The following PRKCA variants were observed in gnomAD, a reference collection of about 807,000 sequenced individuals.
The protein encoded by PRKCA is protein kinase C alpha, also known as protein kinase C alpha type.
Under a neutral mutation model 87.0 loss-of-function variants are expected in PRKCA, and 27 were observed. The observed-to-expected ratio is 0.31, with a 90% CI of 0.23 to 0.43. The LOEUF (loss-of-function observed/expected upper bound fraction) is 0.43. Ranked by LOEUF, PRKCA falls within the 20% of genes least tolerant of loss-of-function variation. The pLI, the probability that PRKCA is intolerant of heterozygous loss-of-function variation, is 1.00. For missense variants in PRKCA, 518 were observed against 852.3 expected, an observed-to-expected ratio of 0.61 and a Z score of 4.88; for synonymous variants, 329 against 311.1, an observed-to-expected ratio of 1.06 and a Z score of -0.61.
At chr17:66,583,652 C>T (rs1439351868) in intron 3 of PRKCA, among the ~76,000 whole-genome samples, 3 of 149,982 alleles carry the variant, frequency 2.0e-5, no homozygotes, top group Non-Finnish European at 3.0e-5. Context: ...ATTAATTATT[C>T]GAATGGAGAA....
chr17:66,555,911 A>G (rs1185526637), intron 3 of PRKCA, among the ~76,000 whole-genome samples: 6 of 152,128 alleles, frequency 3.9e-5, no homozygotes, highest in Non-Finnish European at 7.3e-5. Context: ...AATGCGTGCT[A>G]CTAATTATTT....
chr17:66,529,550 G>A (rs1005815079), intron 3 of PRKCA, among the ~76,000 whole-genome samples: 1 of 152,154 alleles, frequency 6.6e-6, no homozygotes, highest in African/African-American at 2.4e-5. Context: ...TCTTCCTGGG[G>A]TCACCTGGGA....
At chr17:66,556,186 C>T (rs977162068) in intron 3 of PRKCA, among the ~76,000 whole-genome samples, 4 of 152,060 alleles carry the variant, frequency 2.6e-5, no homozygotes, top group Non-Finnish European at 4.4e-5. Flanking sequence ...GGGCCTTTCA[C>T]TGAAAGGCAC....
At chr17:66,428,240 C>A (rs562312719) in intron 2 of PRKCA, among the ~76,000 whole-genome samples, 1 of 152,110 alleles carries the variant, frequency 6.6e-6, no homozygotes, top group Non-Finnish European at 1.5e-5. Context: ...GATTTGATGG[C>A]AGGGATGTGT....
intron 3 of PRKCA, among the ~76,000 whole-genome samples, chr17:66,502,060 C>T (rs1408861090): frequency 6.6e-6 from 1 of 152,092 alleles, no homozygotes; most frequent in Non-Finnish European, 1.5e-5. Context: ...TTGATCAGTG[C>T]GGAGCTCCCT....
intron 5 of PRKCA, among the ~76,000 whole-genome samples, chr17:66,685,047 A>G (rs1302831601): frequency 1.3e-5 from 2 of 152,170 alleles, no homozygotes; most frequent in Admixed American, 1.3e-4. Context: ...AGCTTGGTGA[A>G]TTCTCCAGTG....
intron 2 of PRKCA, among the ~76,000 whole-genome samples, chr17:66,324,528 G>T (rs1468754348): frequency 6.6e-6 from 1 of 151,686 alleles, no homozygotes; most frequent in Non-Finnish European, 1.5e-5. Flanking sequence ...CAAGAGAATT[G>T]CTTGAACCTG....
intron 8 of PRKCA, among the ~76,000 whole-genome samples, chr17:66,694,192 A>G (rs1972857773): frequency 6.6e-6 from 1 of 152,130 alleles, no homozygotes; most frequent in Non-Finnish European, 1.5e-5. Context: ...GCACATATAA[A>G]AGATGATTTG....
chr17:66,346,952 A>G (rs1907414403), intron 2 of PRKCA, among the ~76,000 whole-genome samples: 1 of 151,984 alleles, frequency 6.6e-6, no homozygotes, highest in Admixed American at 6.6e-5. Flanking sequence ...AATCACTTGA[A>G]CGCGGGAGGC....
At chr17:66,549,622 A>C (rs1457302664) in intron 3 of PRKCA, among the ~76,000 whole-genome samples, 3 of 152,192 alleles carry the variant, frequency 2.0e-5, no homozygotes, top group Admixed American at 6.5e-5. Context: ...CAGTTGTGTG[A>C]ATTCCATTTG....
chr17:66,428,216 A>T (rs1437586000), intron 2 of PRKCA, among the ~76,000 whole-genome samples: 1 of 152,228 alleles, frequency 6.6e-6, no homozygotes, highest in Non-Finnish European at 1.5e-5. Context: ...AGGGATAAAG[A>T]AACCTGATAG....
At chr17:66,573,787 T>C (rs1969148152) in intron 3 of PRKCA, among the ~76,000 whole-genome samples, 3 of 152,290 alleles carry the variant, frequency 2.0e-5, no homozygotes, top group Admixed American at 2.0e-4. Context: ...ATAAAAATAT[T>C]CCATGTTTCA....
At chr17:66,752,094 T>C (rs1362620179) in intron 13 of PRKCA, among the ~76,000 whole-genome samples, 1 of 152,212 alleles carries the variant, frequency 6.6e-6, no homozygotes, top group East Asian at 1.9e-4. Flanking sequence ...ACAGTACTGC[T>C]ATTTTAAGAA....
intron 16 of PRKCA, among the ~76,000 whole-genome samples, chr17:66,800,664 A>T (rs1975880241): frequency 6.6e-6 from 1 of 152,224 alleles, no homozygotes; most frequent in Non-Finnish European, 1.5e-5. Flanking sequence ...TGATTCATGA[A>T]TGCCATAAAG....
At chr17:66,330,708 G>T (rs1906276456) in intron 2 of PRKCA, among the ~76,000 whole-genome samples, 1 of 152,144 alleles carries the variant, frequency 6.6e-6, no homozygotes, top group African/African-American at 2.4e-5. Flanking sequence ...GTATTTGGAA[G>T]ATTGTGTACA....
intron 2 of PRKCA, among the ~76,000 whole-genome samples, chr17:66,425,716 C>T (rs751212281): frequency 6.6e-6 from 1 of 152,028 alleles, no homozygotes; most frequent in Non-Finnish European, 1.5e-5. Context: ...GGAAACCCAG[C>T]GATTCAGTTA....
chr17:66,342,416 C>T lies in PRKCA; in HGVS notation c.205+36289C>T, dbSNP rs568317659. Reference sequence around the variant, plus strand: ...CAGCCTGAGCAGCAGAGTGAGACTCCATCTCAAAAAAAATAAAATAAAATA... The same window carrying T: ...CAGCCTGAGCAGCAGAGTGAGACTCTATCTCAAAAAAAATAAAATAAAATA... On this transcript the variant is annotated intron_variant, in intron 2 of 16. Coordinates refer to ENST00000413366, the MANE Select transcript of PRKCA (RefSeq NM_002737.3). Among the ~76,000 whole-genome samples the T allele has an allele frequency of 4.1e-5, 6 of 145,660 alleles. No homozygotes were observed. In the East Asian group the frequency reaches 7.9e-4, roughly 19 times the overall value.
At position 66,425,418 on chromosome 17, in the gene PRKCA, T is replaced by G. The variant is rs143975484; in HGVS notation, c.206-70783T>G. On this transcript the variant is annotated intron_variant, in intron 2 of 16. Coordinates refer to ENST00000413366, the MANE Select transcript of PRKCA (RefSeq NM_002737.3). ...CTGTCCTGCCCACCCAGGCCAGGCCTTCCCCACGGTGCTGTGATAGAGTAT... is the reference window on the plus strand; with the variant it reads ...CTGTCCTGCCCACCCAGGCCAGGCCGTCCCCACGGTGCTGTGATAGAGTAT... Among the ~76,000 whole-genome samples the G allele has an allele frequency of 2.7e-3, 414 of 152,294 alleles. 2 individuals carry two copies. Among genetic ancestry groups the G allele is most frequent in the African/African-American group, 9.3e-3 (387 of 41,572 alleles).
rs1001633631 is a variant in PRKCA at position 66,566,485 on chromosome 17, T to G, written c.288+70202T>G. 4.5e-4 allele frequency among the ~76,000 whole-genome samples: 66 copies of G among 145,778 alleles called. 1 individual carries two copies. Among genetic ancestry groups the G allele is most frequent in the Middle Eastern group, 7.1e-3 (2 of 280 alleles). On this transcript the variant is annotated intron_variant, in intron 3 of 16. Transcript: ENST00000413366. ...AGAACTGTTGTTGTTTTTTGGTTTT[T>G]TTTTTTTTTTTTTTTTTGCAACAGC...
Sources: allele counts gnomAD v4.1 joint callset (sites outside exome capture counted in the v4.1 genomes callset), GRCh38; gene constraint gnomAD v4.1.1; transcripts MANE v1.5; gene names NCBI Gene and HGNC (gene_info 2026-07-23, HGNC 2026-07-21).